PTPRA: variants seen among roughly 807,000 people sequenced by gnomAD.
The protein encoded by PTPRA is receptor-type tyrosine-protein phosphatase alpha.
A neutral mutation model predicts 104.8 loss-of-function variants in PTPRA; 25 were observed. The observed-to-expected ratio is 0.24, with a 90% CI of 0.17 to 0.33. The LOEUF (loss-of-function observed/expected upper bound fraction) is 0.33. Ranked by LOEUF, PTPRA falls within the 10% of genes least tolerant of loss-of-function variation. PTPRA has a pLI of 1.00. For synonymous variants in PTPRA, 323 were observed against 368.9 expected (o/e 0.88, Z 1.43); for missense variants, 765 against 1,015.3 (o/e 0.75, Z 3.35).
At chr20:2,893,532 C>T (rs531447680) in intron 1 of PTPRA, among the ~76,000 whole-genome samples, 29 of 152,214 alleles carry the variant, frequency 1.9e-4, no homozygotes, top group African/African-American at 6.7e-4. Context: ...TATGATACAT[C>T]ATGTATATAT....
chr20:3,037,369 C>A lies in PTPRA; in HGVS notation c.2334+80C>A, dbSNP rs2065849859. ...AGGGAGGAGGCTCTTCAGAGGGGCC[C>A]ACCCAGTAGTCAGAAGACTGTCTAA... On this transcript the variant is annotated intron_variant, in intron 23 of 23. Transcript: ENST00000399903. This position sits in a 1 kb window ranked among gnomAD's most constrained non-coding sequence, Gnocchi z 4.3. 6 of 1,571,620 alleles carry A rather than the reference C, an allele frequency of 3.8e-6. No homozygotes were observed. The highest frequency in any genetic ancestry group is 5.2e-6 in the Non-Finnish European group (6 of 1,160,490).
chr20:2,991,101 C>G (rs558467950), intron 9 of PTPRA, among the ~76,000 whole-genome samples: 2 of 152,256 alleles, frequency 1.3e-5, no homozygotes, highest in East Asian at 3.9e-4. Context: ...CACCTGTAAT[C>G]CCAGCACTTT....
intron 2 of PTPRA, among the ~76,000 whole-genome samples, chr20:2,926,997 G>A (rs1362013832): frequency 6.6e-6 from 1 of 151,320 alleles, no homozygotes; most frequent in Admixed American, 6.6e-5. Context: ...CACCTTGTTG[G>A]CCAAGCTGGT....
chr20:2,941,764 G>A (rs1393485795), intron 2 of PTPRA, among the ~76,000 whole-genome samples: 1 of 152,130 alleles, frequency 6.6e-6, no homozygotes. Context: ...TGCCCTTTCT[G>A]AGGTTACGGA....
chr20:2,927,587 A>T (rs1348987700), intron 2 of PTPRA, among the ~76,000 whole-genome samples: 1 of 152,192 alleles, frequency 6.6e-6, no homozygotes, highest in Non-Finnish European at 1.5e-5. Context: ...ACCAGTGGGC[A>T]CTGTTTTTTA....
chr20:2,923,116 A>G (rs1413936921), intron 1 of PTPRA, 91 bp from the exon 2 acceptor site: 9 of 421,456 alleles, frequency 2.1e-5, no homozygotes, highest in Middle Eastern at 9.5e-4. Flanking sequence ...GGGATTTTGC[A>G]TGTTGCCTAG....
At chr20:2,911,218 T>C (rs899062900) in intron 1 of PTPRA, among the ~76,000 whole-genome samples, 1 of 152,190 alleles carries the variant, frequency 6.6e-6, no homozygotes, top group Non-Finnish European at 1.5e-5. Flanking sequence ...TTTCCTAGTT[T>C]TGTTAAGTGT....
chr20:3,036,845 G>A (rs762518916), intron 22 of PTPRA, among the ~76,000 whole-genome samples: 2 of 152,252 alleles, frequency 1.3e-5, no homozygotes, highest in African/African-American at 2.4e-5. Flanking sequence ...CTAACTGAGC[G>A]AACAGCAGGT....
intron 18 of PTPRA, 45 bp from the exon 19 acceptor site, chr20:3,027,076 G>A (rs772464738): frequency 8.8e-6 from 14 of 1,590,118 alleles, no homozygotes; most frequent in South Asian, 7.7e-5. Flanking sequence ...GAGAGGGAGA[G>A]GACAAATGAT....
Position 3,035,943 on chromosome 20 carries a change from T to TAC in PTPRA, c.2198+3_2198+4insCA. On this transcript the variant is annotated splice_region_variant and intron_variant, in intron 22 of 23. Transcript: ENST00000399903. The surrounding 1 kb of genome is among the most constrained non-coding windows in gnomAD (Gnocchi z 5.8). Reference sequence around the variant, plus strand: ...CCACCCCATCACCGTGCACTGCAGGTATGGCTCACCCTTGCCCTCAGCGGG... The same window carrying TAC: ...CCACCCCATCACCGTGCACTGCAGGTACATGGCTCACCCTTGCCCTCAGCGGG... 5 of 1,613,342 alleles carry TAC rather than the reference T, an allele frequency of 3.1e-6. No homozygotes were observed. Among genetic ancestry groups the TAC allele is most frequent in the Non-Finnish European group, 4.2e-6 (5 of 1,180,030 alleles).
intron 1 of PTPRA, among the ~76,000 whole-genome samples, chr20:2,874,381 C>T (rs1248585167): frequency 6.7e-6 from 1 of 149,794 alleles, no homozygotes; most frequent in East Asian, 2.0e-4. Flanking sequence ...CTAATTATAT[C>T]TCCTGAAGAT....
chr20:2,882,946 T>C (rs1001342212), intron 1 of PTPRA, among the ~76,000 whole-genome samples: 21 of 151,738 alleles, frequency 1.4e-4, no homozygotes, highest in African/African-American at 3.9e-4. Context: ...AATCCTAATA[T>C]GAAATCCAAA....
At chr20:3,025,381 A>T (rs1009137527) in intron 17 of PTPRA, among the ~76,000 whole-genome samples, 1 of 149,890 alleles carries the variant, frequency 6.7e-6, no homozygotes, top group African/African-American at 2.5e-5. Flanking sequence ...TGAACCCGGA[A>T]GGCAGAGGTT....
chr20:3,022,387 A>G lies in PTPRA; in HGVS notation c.1328+167A>G, dbSNP rs979994067. On this transcript the variant is annotated intron_variant, in intron 15 of 23. Transcript: ENST00000399903. The surrounding 1 kb of genome is among the most constrained non-coding windows in gnomAD (Gnocchi z 4.6). ...TCCAAGTTCTAGTGCAGGGTGGAGA[A>G]TATGACTTGAGGAAGGAGGGTAGGG... Among the ~76,000 whole-genome samples the G allele has an allele frequency of 1.2e-4, 19 of 152,228 alleles. No homozygotes were observed. Among genetic ancestry groups the G allele is most frequent in the Non-Finnish European group, 2.5e-4 (17 of 68,036 alleles).
chr20:3,032,582 A>T (rs55771814), intron 20 of PTPRA, among the ~76,000 whole-genome samples: 1 of 151,658 alleles, frequency 6.6e-6, no homozygotes, highest in Non-Finnish European at 1.5e-5. Flanking sequence ...CCTGGCCAAC[A>T]TGGCAAAACC....
At chr20:2,898,672 A>G (rs994335090) in intron 1 of PTPRA, among the ~76,000 whole-genome samples, 8 of 151,972 alleles carry the variant, frequency 5.3e-5, no homozygotes, top group Non-Finnish European at 1.0e-4. Context: ...AGCCTGGCCA[A>G]CATAGTGAAA....
intron 1 of PTPRA, among the ~76,000 whole-genome samples, chr20:2,894,965 C>A (rs961475450): frequency 2.8e-5 from 4 of 140,750 alleles, no homozygotes; most frequent in Admixed American, 1.5e-4. Context: ...CCAGCCTGGG[C>A]GACAGAGCGA....
intron 14 of PTPRA, 59 bp from the exon 15 acceptor site, chr20:3,021,995 C>A: frequency 1.3e-6 from 2 of 1,597,022 alleles, no homozygotes; most frequent in South Asian, 1.1e-5. Context: ...CCTTCCCTCC[C>A]CTGGTACTGC....
At chr20:3,021,251 T>C in intron 13 of PTPRA, 58 bp from the exon 14 acceptor site, 1 of 1,608,410 alleles carries the variant, frequency 6.2e-7, no homozygotes, top group Non-Finnish European at 8.5e-7. Context: ...CCAGGCCCTT[T>C]GCATCTGCCA....
Sources: gnomAD v4.1 joint callset for allele counts (sites outside exome capture counted in the v4.1 genomes callset) on GRCh38, gnomAD v4.1.1 for gene constraint, Gnocchi (gnomAD v3.1) non-coding constraint, MANE v1.5 for transcripts, NCBI Gene and HGNC (gene_info 2026-07-23, HGNC 2026-07-21) for gene names.